The following SMG1 variants were observed in gnomAD, a reference collection of about 807,000 sequenced individuals.
SMG1 encodes the protein SMG1 nonsense mediated mRNA decay associated PI3K related kinase, also known as serine/threonine-protein kinase SMG1.
In SMG1, 22 loss-of-function variants were observed where a neutral mutation model predicts 419.9. The ratio of observed to expected loss-of-function variants is 0.05; its 90% CI spans 0.04 to 0.07. The LOEUF (loss-of-function observed/expected upper bound fraction) is 0.07, where lower values mean the gene tolerates loss of function less well. Among genes scored for constraint, SMG1 ranks in the 10% least tolerant of loss-of-function variants. The pLI is 1.00. For synonymous variants in SMG1, 1,538 were observed against 1,553.5 expected (o/e 0.99, Z 0.23); for missense variants, 3,185 against 4,342.0 (o/e 0.73, Z 7.49).
rs2036294923 is a variant in SMG1, at chr16:18,879,574, G to A, written c.1439C>T (p.Thr480Ile). The A allele has an allele frequency of 7.7e-7, 1 of 1,298,042 alleles. No individual in the cohort carries two copies. The highest frequency in any genetic ancestry group is 1.1e-6 in the Non-Finnish European group (1 of 929,016). 80.4% of individuals were successfully genotyped at this position (1,298,042 alleles called of 1,614,324 possible). A position where few individuals can be genotyped will look rare whatever the true frequency, so the allele number is the denominator to read the frequency against. The change falls in exon 11 of 63, where the codon ACA becomes ATA. Residue 480 changes from threonine to isoleucine, a missense_variant. Thr to Ile is a moderately conservative substitution (Grantham distance 89, BLOSUM62 -1). This residue lies in a region of SMG1 where 297 missense variants were observed against 491.0 expected (regional missense o/e 0.60). Transcript: ENST00000446231. The stretch of plus-strand genomic sequence containing the variant: ...ATTCTCCAGTTGGTCTAATCCATAT[G>A]TAATGACCATGTCACAATGTATAGT... The part of the protein sequence containing the change: ...SMTIHCDMVI[T>I]YGLDQLENCQ...
In SMG1 at chr16:18,839,773, G is replaced by A. The variant is rs371839491; in HGVS notation, c.6870C>T (p.Ala2290=). 19 of 1,613,842 alleles carry A rather than the reference G, an allele frequency of 1.2e-5. No homozygotes were observed. Among genetic ancestry groups the A allele is most frequent in the Middle Eastern group, 1.6e-4 (1 of 6,084 alleles). Residue 2290 remains alanine, a synonymous_variant, in exon 42 of 63, where the codon GCC becomes GCT. Coordinates refer to ENST00000446231, the MANE Select transcript of SMG1 (RefSeq NM_015092.5). ...MKAVLEELME[A]TPPNLLAKEL... ...CTTTGGCAAGGAGATTCGGGGGTGT[G>A]GCCTCCATTAACTCTTCCAATACTG... is the stretch of plus-strand genomic sequence containing the variant.
At chr16:18,897,441 G>C (rs926927250) in intron 1 of SMG1, among the ~76,000 whole-genome samples, 2 of 152,146 alleles carry the variant, frequency 1.3e-5, no homozygotes, top group Non-Finnish European at 2.9e-5. Flanking sequence ...GTCTTACCAA[G>C]TTATTTTCTA....
chr16:18,811,027 A>T (rs557239693), intron 62 of SMG1, among the ~76,000 whole-genome samples: 39 of 152,334 alleles, frequency 2.6e-4, no homozygotes, highest in African/African-American at 7.9e-4. Flanking sequence ...GACTAATGAA[A>T]AAATTTCAGA....
Position 18,889,280 on chromosome 16 carries a change from G to A in SMG1, c.822+92C>T, listed in dbSNP as rs2141793719. The A allele has an allele frequency of 6.4e-6, 3 of 469,428 alleles. No individual in the cohort carries two copies. The East Asian group carries it at 1.2e-4, about 19-fold the overall frequency. 29.1% of individuals were successfully genotyped at this position (469,428 alleles called of 1,614,324 possible). A position where few individuals can be genotyped will look rare whatever the true frequency, so the allele number is the denominator to read the frequency against. ...TATCAGTAGATAACCCCTATTCTATGTTTCCCTTCTTCAAGCTCCCCTCCA... is the reference window on the plus strand; with the variant it reads ...TATCAGTAGATAACCCCTATTCTATATTTCCCTTCTTCAAGCTCCCCTCCA... On this transcript the variant is annotated intron_variant, in intron 6 of 62. Transcript: ENST00000446231.
chr16:18,906,195 A>G (rs2037554684), intron 1 of SMG1, among the ~76,000 whole-genome samples: 1 of 150,648 alleles, frequency 6.6e-6, no homozygotes, highest in African/African-American at 2.4e-5. Flanking sequence ...ACAAAAAAAA[A>G]GGTACCAGCT....
At chr16:18,864,768 C>T (rs2035408965) in intron 23 of SMG1, among the ~76,000 whole-genome samples, 2 of 152,158 alleles carry the variant, frequency 1.3e-5, no homozygotes, top group Non-Finnish European at 1.5e-5. Context: ...TGAACCACCG[C>T]GCCCAGCCCC....
In SMG1 at chr16:18,817,392, C is replaced by A. The variant is rs756710808; in HGVS notation, c.9973G>T (p.Ala3325Ser). Residue 3325 changes from alanine to serine, a missense_variant, in exon 57 of 63, where the codon GCG becomes TCG. Physicochemically the swap from Ala to Ser is moderately conservative, Grantham distance 99. This residue lies in a region of SMG1 where 737 missense variants were observed against 846.6 expected (regional missense o/e 0.87). Coordinates refer to ENST00000446231, the MANE Select transcript of SMG1 (RefSeq NM_015092.5). ...CATCGCTTGATTAGTTCAAATAACGCCGCATCCAGGTTTAAGGCTTCTGCA... is the reference window on the plus strand; with the variant it reads ...CATCGCTTGATTAGTTCAAATAACGACGCATCCAGGTTTAAGGCTTCTGCA... Reference protein sequence around the residue: ...RTAEALNLDAALFELIKRCQQ... With the variant: ...RTAEALNLDASLFELIKRCQQ... 17 of 1,608,078 alleles carry A rather than the reference C, an allele frequency of 1.1e-5. No homozygotes were observed. The Admixed American group carries it at 2.4e-4, about 22-fold the overall frequency.
At chr16:18,883,782 GGT>G (rs1023655442) in intron 9 of SMG1, among the ~76,000 whole-genome samples, 1 of 152,104 alleles carries the variant, frequency 6.6e-6, no homozygotes, top group African/African-American at 2.4e-5. Flanking sequence ...AGCTGGGCAT[GGT>G]GGCGGGCACC....
At chr16:18,830,793 C>CA (rs35239726) in intron 51 of SMG1, among the ~76,000 whole-genome samples, 1 of 149,666 alleles carries the variant, frequency 6.7e-6, no homozygotes, top group African/African-American at 2.5e-5. Flanking sequence ...AACTCCATCT[C>CA]AAAAAAAAAG....
At chr16:18,854,626 C>G (rs769042858) in intron 30 of SMG1, 30 bp downstream of exon 30, 1 of 1,581,324 alleles carries the variant, frequency 6.3e-7, no homozygotes, top group South Asian at 1.1e-5. Context: ...TTATTATACT[C>G]ATGTATTAAC....
At chr16:18,915,973 G>A (rs536014716) in intron 1 of SMG1, among the ~76,000 whole-genome samples, 49 of 148,770 alleles carry the variant, frequency 3.3e-4, no homozygotes, top group Middle Eastern at 3.6e-3. Flanking sequence ...GGTGGCTGAG[G>A]CAGAAGAATC....
intron 1 of SMG1, among the ~76,000 whole-genome samples, chr16:18,900,767 G>A (rs2037314960): frequency 6.6e-6 from 1 of 152,180 alleles, no homozygotes; most frequent in African/African-American, 2.4e-5. Context: ...AGCAAAGATA[G>A]TCTCACTGTC....
chr16:18,828,129 T>C lies in SMG1; in HGVS notation c.9643A>G (p.Met3215Val). The C allele has an allele frequency of 1.9e-6, 3 of 1,613,654 alleles. No individual in the cohort carries two copies. The highest frequency in any genetic ancestry group is 2.5e-6 in the Non-Finnish European group (3 of 1,179,724). ...EDLLINRPQAMSVTPPPRSAI... is the reference protein window; with the variant it reads ...EDLLINRPQAVSVTPPPRSAI... ...GACCGTGGGGGAGGTGTGACTGACA[T>C]GGCTTGTGGTCTATTGATAAGTAGA... The change falls in exon 55 of 63, where the codon ATG becomes GTG. Residue 3215 changes from methionine (M) to valine (V), a missense_variant. This residue lies in a region of SMG1 where 737 missense variants were observed against 846.6 expected (regional missense o/e 0.87). Coordinates refer to ENST00000446231, the MANE Select transcript of SMG1 (RefSeq NM_015092.5).
intron 54 of SMG1, among the ~76,000 whole-genome samples, chr16:18,828,955 G>A (rs1022909354): frequency 2.7e-5 from 4 of 150,880 alleles, no homozygotes; most frequent in Non-Finnish European, 2.9e-5. Flanking sequence ...CCGAGATCGC[G>A]CCATTGCACT....
At position 18,815,553 on chromosome 16, in the gene SMG1, T is replaced by C; in HGVS notation, c.10401A>G (p.Gln3467=). The change falls in exon 59 of 63, where the codon CAA becomes CAG. Residue 3467 remains glutamine (Q), a synonymous_variant. Transcript: ENST00000446231. ...GEYKSWQDNI[Q]TVLFTLVQAM... ...CCTGGACTAATGTAAATAGAACTGT[T>C]TGAATGTTGTCTTGCCATGATTTAT... is the stretch of plus-strand genomic sequence containing the variant. 1 of 1,614,018 alleles carries C rather than the reference T, an allele frequency of 6.2e-7. No homozygotes were observed. Among genetic ancestry groups the C allele is most frequent in the Admixed American group, 1.7e-5 (1 of 60,022 alleles).
chr16:18,858,320 A>T (rs1395996855), intron 28 of SMG1, 30 bp from the exon 29 acceptor site: 1 of 1,571,592 alleles, frequency 6.4e-7, no homozygotes, highest in African/African-American at 1.4e-5. Flanking sequence ...ATTACTCAAC[A>T]TAAAACAGGC....
At chr16:18,872,102 T>C in intron 15 of SMG1, 82 bp downstream of exon 15, 1 of 847,058 alleles carries the variant, frequency 1.2e-6, no homozygotes. Context: ...AAAAATTTTT[T>C]GTAATCCACA....
chr16:18,914,341 C>A (rs12930828), intron 1 of SMG1, among the ~76,000 whole-genome samples: 7 of 151,590 alleles, frequency 4.6e-5, no homozygotes, highest in African/African-American at 1.7e-4. Flanking sequence ...TGAAAAGGTC[C>A]GAAAATTAAT....
chr16:18,811,309 T>C (rs1304006642), intron 62 of SMG1, among the ~76,000 whole-genome samples: 1 of 152,204 alleles, frequency 6.6e-6, no homozygotes, highest in African/African-American at 2.4e-5. Flanking sequence ...AGATTTTCAC[T>C]ACTGGGATCC....
Sources: allele counts gnomAD v4.1 joint callset (sites outside exome capture counted in the v4.1 genomes callset), GRCh38; gene constraint gnomAD v4.1.1; regional missense constraint gnomAD v4.1.1; transcripts MANE v1.5; gene names NCBI Gene and HGNC (gene_info 2026-07-23, HGNC 2026-07-21).